The following PTPRT variants were observed in gnomAD, a reference collection of about 807,000 sequenced individuals.
PTPRT encodes receptor-type tyrosine-protein phosphatase T.
In PTPRT, 56 loss-of-function variants were observed where a neutral mutation model predicts 176.8. That is an observed-to-expected ratio of 0.32 (90% CI 0.26 to 0.40). PTPRT has a LOEUF of 0.40. Ranked by LOEUF, PTPRT falls within the 10% of genes least tolerant of loss-of-function variation. The pLI is 1.00. For synonymous variants in PTPRT, 783 were observed against 739.0 expected (o/e 1.06, Z -0.96); for missense variants, 1,540 against 1,908.2 (o/e 0.81, Z 3.60).
chr20:42,111,363 C>A (rs1986984423), intron 22 of PTPRT, among the ~76,000 whole-genome samples: 1 of 152,188 alleles, frequency 6.6e-6, no homozygotes. Context: ...GCCTTCCCAG[C>A]CTTGTGCTAG....
At position 42,580,269 on chromosome 20, in the gene PTPRT, G is replaced by T. The variant is rs186376675; in HGVS notation, c.1153+97597C>A. ...TTCTGTTCCATTGGTCTATATCTCT[G>T]TTTTGGTACCAGTACCATGCTGTTT... On this transcript the variant is annotated intron_variant, in intron 7 of 30. Coordinates refer to ENST00000373187, the MANE Select transcript of PTPRT (RefSeq NM_007050.6). Among the ~76,000 whole-genome samples, 444 of 152,240 alleles carry T rather than the reference G, an allele frequency of 2.9e-3. 4 individuals carry two copies. Among genetic ancestry groups the T allele is most frequent in the African/African-American group, 9.6e-3 (399 of 41,538 alleles).
At chr20:43,108,679 T>C (rs940280316) in intron 1 of PTPRT, among the ~76,000 whole-genome samples, 1 of 151,744 alleles carries the variant, frequency 6.6e-6, no homozygotes, top group Non-Finnish European at 1.5e-5. Context: ...CACTCCAAAT[T>C]CCCTAGCATC....
At chr20:42,094,422 T>C (rs1984976852) in intron 27 of PTPRT, among the ~76,000 whole-genome samples, 1 of 152,188 alleles carries the variant, frequency 6.6e-6, no homozygotes, top group Non-Finnish European at 1.5e-5. Context: ...ACATTATCCT[T>C]CATTCCTCTT....
At chr20:42,716,307 G>C (rs1471711476) in intron 6 of PTPRT, among the ~76,000 whole-genome samples, 2 of 152,178 alleles carry the variant, frequency 1.3e-5, no homozygotes, top group African/African-American at 2.4e-5. Flanking sequence ...TCTAGTTCTA[G>C]ATCTCTGAGG....
intron 16 of PTPRT, among the ~76,000 whole-genome samples, chr20:42,193,086 T>G (rs1232755781): frequency 6.6e-6 from 1 of 152,250 alleles, no homozygotes; most frequent in Admixed American, 6.5e-5. Flanking sequence ...GTTTTGAAAG[T>G]AGAATATCTG....
chr20:42,763,179 C>A (rs1046837234), intron 5 of PTPRT, among the ~76,000 whole-genome samples: 5 of 152,202 alleles, frequency 3.3e-5, no homozygotes, highest in African/African-American at 1.2e-4. Flanking sequence ...AATGGCCTTG[C>A]CATTTTGCAA....
At chr20:43,049,989 G>T (rs1283312549) in intron 1 of PTPRT, among the ~76,000 whole-genome samples, 1 of 152,212 alleles carries the variant, frequency 6.6e-6, no homozygotes, top group Non-Finnish European at 1.5e-5. Flanking sequence ...CATTTTACAT[G>T]GATTATTTCA....
intron 1 of PTPRT, among the ~76,000 whole-genome samples, chr20:43,126,243 T>C (rs1251711945): frequency 2.6e-5 from 4 of 151,588 alleles, no homozygotes; most frequent in Non-Finnish European, 5.9e-5. Context: ...CCCAGCTACT[T>C]GGGAGGCTGA....
chr20:42,267,780 A>G (rs551262113), intron 13 of PTPRT, among the ~76,000 whole-genome samples: 115 of 152,312 alleles, frequency 7.6e-4, no homozygotes, highest in African/African-American at 2.7e-3. Flanking sequence ...ATAGAGAATG[A>G]ATTCCTTGAA....
chr20:42,363,565 C>T (rs1459929991), intron 9 of PTPRT, among the ~76,000 whole-genome samples: 1 of 151,654 alleles, frequency 6.6e-6, no homozygotes, highest in African/African-American at 2.4e-5. Context: ...CCGCCTCGGC[C>T]TCCCAAAGTG....
intron 1 of PTPRT, among the ~76,000 whole-genome samples, chr20:43,098,518 C>G (rs1453269684): frequency 6.6e-6 from 1 of 151,796 alleles, no homozygotes; most frequent in African/African-American, 2.4e-5. Context: ...AGCCAGCCCT[C>G]TCTTCAAAAG....
chr20:42,664,154 AT>A (rs2075273312), intron 7 of PTPRT, among the ~76,000 whole-genome samples: 1 of 152,238 alleles, frequency 6.6e-6, no homozygotes, highest in Non-Finnish European at 1.5e-5. Flanking sequence ...AACACTGGAC[AT>A]TTTTAATACG....
chr20:43,046,232 G>GC (rs1986832344), intron 1 of PTPRT, among the ~76,000 whole-genome samples: 1 of 152,032 alleles, frequency 6.6e-6, no homozygotes, highest in Non-Finnish European at 1.5e-5. Flanking sequence ...GGCACTCAGG[G>GC]ACCCAGACTA....
intron 2 of PTPRT, among the ~76,000 whole-genome samples, chr20:42,847,348 A>G (rs2078391483): frequency 6.6e-6 from 1 of 152,172 alleles, no homozygotes; most frequent in African/African-American, 2.4e-5. Context: ...GGCCCAGGGA[A>G]TAAGTACACA....
At chr20:42,509,105 T>C (rs1457290777) in intron 7 of PTPRT, among the ~76,000 whole-genome samples, 1 of 394 alleles carries the variant, frequency 2.5e-3, no homozygotes, top group Non-Finnish European at 3.6e-3. Flanking sequence ...AGATATAAAT[T>C]ATATAATTTA....
chr20:42,562,572 T>G (rs1202725491), intron 7 of PTPRT, among the ~76,000 whole-genome samples: 1 of 152,354 alleles, frequency 6.6e-6, no homozygotes, highest in East Asian at 1.9e-4. Flanking sequence ...CATTCTTATG[T>G]GGGAATGTTT....
chr20:42,335,691 A>G (rs953000301), intron 11 of PTPRT, among the ~76,000 whole-genome samples: 1 of 152,228 alleles, frequency 6.6e-6, no homozygotes, highest in Admixed American at 6.5e-5. Flanking sequence ...AATAGAAGAA[A>G]TTGGCAGAAA....
chr20:43,100,206 A>G (rs1389615295), intron 1 of PTPRT, among the ~76,000 whole-genome samples: 1 of 152,104 alleles, frequency 6.6e-6, no homozygotes, highest in Non-Finnish European at 1.5e-5. Flanking sequence ...GTAAAACCCC[A>G]TCTCTACTAA....
intron 1 of PTPRT, among the ~76,000 whole-genome samples, chr20:43,154,783 A>G (rs1213056219): frequency 6.6e-6 from 1 of 152,222 alleles, no homozygotes; most frequent in Admixed American, 6.5e-5. Context: ...AATAAGAGAA[A>G]ATATCTGCAA....
Sources: gnomAD v4.1 joint callset for allele counts (sites outside exome capture counted in the v4.1 genomes callset) on GRCh38, gnomAD v4.1.1 for gene constraint, MANE v1.5 for transcripts, NCBI Gene and HGNC (gene_info 2026-07-23, HGNC 2026-07-21) for gene names.